Variants in ZMAT5 observed in about 807,000 individuals in gnomAD.
The protein encoded by ZMAT5 is zinc finger matrin-type 5, also known as zinc finger matrin-type protein 5.
Under a neutral mutation model 28.0 loss-of-function variants are expected in ZMAT5, and 23 were observed. The observed-to-expected ratio is 0.82, with a 90% CI of 0.59 to 1.16. ZMAT5 has a LOEUF of 1.16. ZMAT5 is among the 50% of genes most tolerant of loss of function. The probability of loss-of-function intolerance (pLI) is 0.00; values close to 1 mark genes in which losing one functional copy is unlikely to be tolerated. For synonymous variants in ZMAT5, 76 were observed against 84.1 expected, an observed-to-expected ratio of 0.90 and a Z score of 0.52; for missense variants, 173 against 212.7, an observed-to-expected ratio of 0.81 and a Z score of 1.16.
intron 1 of ZMAT5, among the ~76,000 whole-genome samples, chr22:29,757,468 G>A (rs1349486900): frequency 2.0e-5 from 3 of 152,186 alleles, no homozygotes; most frequent in East Asian, 1.9e-4. Flanking sequence ...TCTGGAAGAC[G>A]AGGGTAATGA....
rs770941332 is a variant in ZMAT5, at chr22:29,731,238, A to T, written c.500T>A (p.Val167Asp). ...PPGGWPLQPR[V>D]QWG ...GGGGCAAGGGGCTCAGCCCCACTGG[A>T]CTCTGGGCTGCAGAGGCCACCCCCC... Residue 167 changes from valine to aspartate, a missense_variant, in exon 6 of 6, where the codon GTC (valine) becomes GAC (aspartate). Val to Asp is a radical substitution (Grantham distance 152). Coordinates refer to ENST00000344318, the MANE Select transcript of ZMAT5 (RefSeq NM_001003692.2). The T allele has an allele frequency of 6.6e-7, 1 of 1,507,216 alleles. No individual in the cohort carries two copies. The highest frequency in any genetic ancestry group is 2.7e-5 in the East Asian group (1 of 37,190). 93.4% of individuals were successfully genotyped at this position (1,507,216 alleles called of 1,614,324 possible).
chr22:29,737,718 G>T (rs1443171040), intron 5 of ZMAT5, among the ~76,000 whole-genome samples: 1 of 151,974 alleles, frequency 6.6e-6, no homozygotes, highest in African/African-American at 2.4e-5. Context: ...CCTGTGCCCC[G>T]TTCTGATGTG....
At chr22:29,754,984 C>T (rs892721219) in intron 1 of ZMAT5, among the ~76,000 whole-genome samples, 4 of 152,218 alleles carry the variant, frequency 2.6e-5, no homozygotes, top group Admixed American at 2.0e-4. Flanking sequence ...AGTGAACACA[C>T]TCTGAACCCC....
At chr22:29,761,304 A>G (rs1270132743) in intron 1 of ZMAT5, among the ~76,000 whole-genome samples, 1 of 137,576 alleles carries the variant, frequency 7.3e-6, no homozygotes, top group African/African-American at 2.7e-5. Flanking sequence ...AGCTGTAGAC[A>G]GGGCATGGTG....
intron 5 of ZMAT5, among the ~76,000 whole-genome samples, chr22:29,736,417 T>C (rs1190558425): frequency 1.3e-5 from 2 of 152,188 alleles, no homozygotes; most frequent in Non-Finnish European, 2.9e-5. Flanking sequence ...AAGACAAAGT[T>C]AGTTTTAAAA....
At chr22:29,765,602 G>A (rs2068201277) in intron 1 of ZMAT5, among the ~76,000 whole-genome samples, 1 of 151,974 alleles carries the variant, frequency 6.6e-6, no homozygotes, top group Non-Finnish European at 1.5e-5. Flanking sequence ...GGGCATGGTG[G>A]CTCACGCCTG....
chr22:29,732,503 C>T (rs1399172759), intron 5 of ZMAT5, among the ~76,000 whole-genome samples: 1 of 152,036 alleles, frequency 6.6e-6, no homozygotes, highest in Admixed American at 6.6e-5. Flanking sequence ...TTTGGGAGGC[C>T]AAGGCGGGTG....
intron 4 of ZMAT5, 136 bp from the exon 5 acceptor site, chr22:29,738,577 C>T (rs551575537): frequency 4.4e-6 from 3 of 685,616 alleles, no homozygotes; most frequent in African/African-American, 1.8e-5. Context: ...GGAGGATGCA[C>T]CTGGACTGCT....
chr22:29,752,744 T>C (rs1281253369), intron 1 of ZMAT5, among the ~76,000 whole-genome samples: 1 of 152,230 alleles, frequency 6.6e-6, no homozygotes, highest in Non-Finnish European at 1.5e-5. Context: ...GGTCTCGCCA[T>C]GTTGCCCAGG....
intron 1 of ZMAT5, among the ~76,000 whole-genome samples, chr22:29,760,094 G>A (rs1038721262): frequency 1.3e-5 from 2 of 151,904 alleles, no homozygotes; most frequent in East Asian, 2.0e-4. Context: ...CCTGCTACTC[G>A]AAAGGCTGAG....
intron 1 of ZMAT5, among the ~76,000 whole-genome samples, chr22:29,762,507 A>T (rs1337695742): frequency 6.6e-6 from 1 of 152,232 alleles, no homozygotes; most frequent in Non-Finnish European, 1.5e-5. Context: ...GATCATCGGC[A>T]GCATTAGATT....
chr22:29,733,027 C>T (rs1456549304), intron 5 of ZMAT5, among the ~76,000 whole-genome samples: 1 of 152,204 alleles, frequency 6.6e-6, no homozygotes, highest in Non-Finnish European at 1.5e-5. Flanking sequence ...CCTAGAGAAA[C>T]CTTAAGAATC....
chr22:29,754,442 G>A (rs1012625736), intron 1 of ZMAT5, among the ~76,000 whole-genome samples: 1 of 152,222 alleles, frequency 6.6e-6, no homozygotes, highest in African/African-American at 2.4e-5. Flanking sequence ...GGTCACATGG[G>A]TCACATCTGA....
Position 29,745,793 on chromosome 22 carries a change from G to A in ZMAT5, c.127+2625C>T, listed in dbSNP as rs578087289. Among the ~76,000 whole-genome samples the A allele has an allele frequency of 7.9e-5, 12 of 152,370 alleles. No homozygotes were observed. In the South Asian group the frequency reaches 2.5e-3, roughly 32 times the overall value. On this transcript the variant is annotated intron_variant, in intron 2 of 5. Transcript: ENST00000344318. Reference sequence around the variant, plus strand: ...GGGACGTGGCCCAGGCCAAGAAGCTGGGAGCAAAGCTGAAGTCGAGTTCAT... The same window carrying A: ...GGGACGTGGCCCAGGCCAAGAAGCTAGGAGCAAAGCTGAAGTCGAGTTCAT...
intron 1 of ZMAT5, among the ~76,000 whole-genome samples, chr22:29,755,507 T>A (rs1404488676): frequency 6.6e-6 from 1 of 151,804 alleles, no homozygotes; most frequent in Admixed American, 6.6e-5. Context: ...AGGCTGGGGA[T>A]GGTGGGTGAG....
intron 5 of ZMAT5, among the ~76,000 whole-genome samples, chr22:29,732,172 A>G (rs1197148976): frequency 6.6e-6 from 1 of 152,238 alleles, no homozygotes; most frequent in African/African-American, 2.4e-5. Flanking sequence ...GGCCCCACGC[A>G]TGCTGCTTCT....
chr22:29,748,603 A>T, intron 1 of ZMAT5, 32 bp from the exon 2 acceptor site: 1 of 1,609,308 alleles, frequency 6.2e-7, no homozygotes, highest in Non-Finnish European at 8.5e-7. Flanking sequence ...AGATTAGACC[A>T]TTGGAGAAAA....
chr22:29,749,261 G>C (rs2068036518), intron 1 of ZMAT5, among the ~76,000 whole-genome samples: 1 of 151,884 alleles, frequency 6.6e-6, no homozygotes, highest in African/African-American at 2.4e-5. Context: ...CAATTTTTTT[G>C]TAGAGATGGG....
intron 4 of ZMAT5, among the ~76,000 whole-genome samples, chr22:29,739,437 G>C (rs560714699): frequency 2.1e-4 from 32 of 152,276 alleles, no homozygotes; most frequent in African/African-American, 7.2e-4. Context: ...GAGCTCACTT[G>C]GGGCCGGGCC....
Sources: gnomAD v4.1 joint callset for allele counts (sites outside exome capture counted in the v4.1 genomes callset) on GRCh38, gnomAD v4.1.1 for gene constraint, MANE v1.5 for transcripts, NCBI Gene and HGNC (gene_info 2026-07-23, HGNC 2026-07-21) for gene names.